Variants in KRT39 observed in about 807,000 individuals in gnomAD.
KRT39 encodes the protein keratin, type I cytoskeletal 39.
KRT39 carries 47 observed loss-of-function variants against 54.8 expected under a neutral mutation model. That is an observed-to-expected ratio of 0.86 (90% CI 0.68 to 1.09). The LOEUF (loss-of-function observed/expected upper bound fraction) is 1.09, where lower values mean the gene tolerates loss of function less well. Among genes scored for constraint, KRT39 ranks in the 50% least tolerant of loss-of-function variants. The pLI, the probability that KRT39 is intolerant of heterozygous loss-of-function variation, is 0.00. For synonymous variants in KRT39, 207 were observed against 227.9 expected (o/e 0.91, Z 0.83); for missense variants, 580 against 598.5 (o/e 0.97, Z 0.32).
chr17:40,966,585 C>G lies in KRT39; in HGVS notation c.272G>C (p.Gly91Ala), dbSNP rs1201350601. The part of the protein sequence containing the change: ...SLDDCSWYGE[G>A]INSNEKETMQ... ...GGTCTCCTTCTCATTACTGTTGATGCCTTCACCATACCAGCTGCAGTCATC... is the reference window on the plus strand; with the variant it reads ...GGTCTCCTTCTCATTACTGTTGATGGCTTCACCATACCAGCTGCAGTCATC... Residue 91 changes from glycine (G) to alanine (A), a missense_variant, in exon 1 of 7, where the codon GGC becomes GCC. By Grantham distance (60) the Gly-to-Ala change is moderately conservative (BLOSUM62 0). Coordinates refer to ENST00000355612, the MANE Select transcript of KRT39 (RefSeq NM_213656.4). The G allele has an allele frequency of 1.9e-6, 3 of 1,614,160 alleles. No individual in the cohort carries two copies. Among genetic ancestry groups the G allele is most frequent in the Non-Finnish European group, 2.5e-6 (3 of 1,180,008 alleles).
rs772716387 is a variant in KRT39, at chr17:40,963,773, C to T, written c.562G>A (p.Glu188Lys). 7.0e-6 allele frequency: 11 copies of T among 1,580,358 alleles called. No individual in the cohort carries two copies. Among genetic ancestry groups the T allele is most frequent in the Middle Eastern group, 3.4e-4 (2 of 5,922 alleles). ...ADDLRAKYEAEVSLRQLVESD... is the reference protein window; with the variant it reads ...ADDLRAKYEAKVSLRQLVESD... Reference sequence around the variant, plus strand: ...TCTACCAGCTGGCGTAGAGACACCTCAGCTTCGTATCTTTAAAAACCAGAT... The same window carrying T: ...TCTACCAGCTGGCGTAGAGACACCTTAGCTTCGTATCTTTAAAAACCAGAT... The change falls in exon 3 of 7, where the codon GAG (glutamate) becomes AAG (lysine). Residue 188 changes from glutamate (E) to lysine (K), a missense_variant. By Grantham distance (56) the Glu-to-Lys change is moderately conservative. Coordinates refer to ENST00000355612, the MANE Select transcript of KRT39 (RefSeq NM_213656.4).
intron 3 of KRT39, 103 bp from the exon 4 acceptor site, chr17:40,962,666 T>C (rs1420348717): frequency 4.2e-6 from 4 of 947,026 alleles, no homozygotes; most frequent in Non-Finnish European, 6.5e-6. Context: ...GTGTCTAAAA[T>C]ATAGCCCACA....
intron 2 of KRT39, 56 bp downstream of exon 2, chr17:40,964,390 T>A: frequency 6.8e-7 from 1 of 1,479,732 alleles, no homozygotes; most frequent in Non-Finnish European, 9.5e-7. Context: ...GTTGAGGGCA[T>A]CTCGGTCAGA....
At chr17:40,959,071 C>A (rs919305964) in intron 6 of KRT39, among the ~76,000 whole-genome samples, 11 of 152,100 alleles carry the variant, frequency 7.2e-5, no homozygotes, top group Non-Finnish European at 1.3e-4. Context: ...TAGAAGTATT[C>A]GATTATGTAA....
At chr17:40,965,468 G>A in intron 1 of KRT39, among the ~76,000 whole-genome samples, 1 of 152,166 alleles carries the variant, frequency 6.6e-6, no homozygotes. Context: ...ACTCCATGAG[G>A]GCAGGGACTT....
Position 40,966,721 on chromosome 17 carries a change from G to T in KRT39, c.136C>A (p.Pro46Thr). The T allele has an allele frequency of 6.2e-7, 1 of 1,614,232 alleles. No individual in the cohort carries two copies. Among genetic ancestry groups the T allele is most frequent in the Non-Finnish European group, 8.5e-7 (1 of 1,180,042 alleles). Residue 46 changes from proline (P) to threonine (T), a missense_variant, in exon 1 of 7, where the codon CCA becomes ACA. Physicochemically the swap from Pro to Thr is conservative, Grantham distance 38. Coordinates refer to ENST00000355612, the MANE Select transcript of KRT39 (RefSeq NM_213656.4). ...GGAATTCTGAGAACGTGGCCAGCTG[G>T]TTGACAGTTGTTGACTGTAAGGCCA... ...PGGLTVNNCQPAGHVLRIPWD... is the reference protein window; with the variant it reads ...PGGLTVNNCQTAGHVLRIPWD...
In KRT39 at chr17:40,962,534, C is replaced by T. The variant is rs1597905165; in HGVS notation, c.738G>A (p.Gly246=). 1 of 1,613,920 alleles carries T rather than the reference C, an allele frequency of 6.2e-7. No homozygotes were observed. The highest frequency in any genetic ancestry group is 8.5e-7 in the Non-Finnish European group (1 of 1,179,966). ...CAGTCACTTCAATGTCAAGTCTCTC[C>T]CCAAGCTGACACTGTAAAGAATTGA... ...EEINSLQCQL[G]ERLDIEVTAA... is the part of the protein sequence containing the mutation. The change falls in exon 4 of 7, where the codon GGG becomes GGA. Residue 246 remains glycine, a synonymous_variant. Coordinates refer to ENST00000355612, the MANE Select transcript of KRT39 (RefSeq NM_213656.4).
At chr17:40,964,410 A>G in intron 2 of KRT39, 36 bp downstream of exon 2, 1 of 1,578,080 alleles carries the variant, frequency 6.3e-7, no homozygotes, top group South Asian at 1.1e-5. Flanking sequence ...ACTCAGGGTG[A>G]GCTCTGTCAT....
At position 40,966,429 on chromosome 17, in the gene KRT39, T is replaced by A; in HGVS notation, c.428A>T (p.Tyr143Phe). Residue 143 changes from tyrosine to phenylalanine, a missense_variant, in exon 1 of 7, where the codon TAC (tyrosine) becomes TTC (phenylalanine). By Grantham distance (22) the Tyr-to-Phe change is conservative. Coordinates refer to ENST00000355612, the MANE Select transcript of KRT39 (RefSeq NM_213656.4). ...CTCAATGGTAGTGTAGTAAGACAGG[T>A]AATCAGGACATAGAACAGGGAGCTC... ...NKELPVLCPD[Y>F]LSYYTTIEEL... 6.2e-7 allele frequency: 1 copy of A among 1,614,154 alleles called. No individual in the cohort carries two copies. Among genetic ancestry groups the A allele is most frequent in the Non-Finnish European group, 8.5e-7 (1 of 1,179,982 alleles).
intron 1 of KRT39, 64 bp from the exon 2 acceptor site, chr17:40,964,592 A>G: frequency 2.6e-6 from 3 of 1,167,990 alleles, no homozygotes; most frequent in Non-Finnish European, 3.9e-6. Flanking sequence ...TTAAGAACCA[A>G]GGGGTTTGTG....
chr17:40,964,839 G>A (rs1317771335), intron 1 of KRT39, among the ~76,000 whole-genome samples: 1 of 151,700 alleles, frequency 6.6e-6, no homozygotes, highest in Non-Finnish European at 1.5e-5. Context: ...GAGGCGGGCG[G>A]ATCACGAGGT....
chr17:40,958,949 G>A (rs1395400465), intron 6 of KRT39, 90 bp from the exon 7 acceptor site: 11 of 1,266,074 alleles, frequency 8.7e-6, no homozygotes, highest in Admixed American at 2.3e-5. Flanking sequence ...TTTTTAACAC[G>A]TGTTGCTCAA....
Position 40,962,445 on chromosome 17 carries a change from A to C in KRT39, c.827T>G (p.Met276Arg). 10 of 1,614,236 alleles carry C rather than the reference A, an allele frequency of 6.2e-6. No homozygotes were observed. The highest frequency in any genetic ancestry group is 8.5e-6 in the Non-Finnish European group (10 of 1,180,036). Residue 276 changes from methionine (M) to arginine (R), a missense_variant, in exon 4 of 7, where the codon ATG becomes AGG. Transcript: ENST00000355612. The part of the protein sequence containing the change: ...QEMRCQYEPI[M>R]ETNRKDVEQW... ...TTCCACATCTTTGCGGTTTGTCTCCATGATGGGCTCATATTGACATCTCAT... is the reference window on the plus strand; with the variant it reads ...TTCCACATCTTTGCGGTTTGTCTCCCTGATGGGCTCATATTGACATCTCAT...
At chr17:40,965,196 T>A (rs1911332551) in intron 1 of KRT39, among the ~76,000 whole-genome samples, 1 of 134,592 alleles carries the variant, frequency 7.4e-6, no homozygotes, top group African/African-American at 3.1e-5. Flanking sequence ...AGAGCGAGAC[T>A]CCGTCTCAAA....
Position 40,958,872 on chromosome 17 carries a change from A to T in KRT39, c.1218-13T>A. The T allele has an allele frequency of 6.4e-7, 1 of 1,565,060 alleles. No homozygotes were observed. Among genetic ancestry groups the T allele is most frequent in the Non-Finnish European group, 8.6e-7 (1 of 1,156,620 alleles). ...GTAACAGGGACGCCTAAGGAAAAAA[A>T]ACACAATTTTAGCTGTGATTGAGGG... On this transcript the variant is annotated splice_polypyrimidine_tract_variant and intron_variant, in intron 6 of 6. Coordinates refer to ENST00000355612, the MANE Select transcript of KRT39 (RefSeq NM_213656.4).
At chr17:40,964,646 A>G in intron 1 of KRT39, 118 bp from the exon 2 acceptor site, 1 of 720,988 alleles carries the variant, frequency 1.4e-6, no homozygotes, top group Admixed American at 2.0e-5. Context: ...CTTTTTATTA[A>G]TCTTCATAGC....
In KRT39 at chr17:40,961,735, CT is replaced by C. The variant is rs532078408; in HGVS notation, c.996+426del. ...TTCGTTAATAATTATGCCACCCCCC[CT>C]CTTAGGATTGCTTTATAAATCTCAT... On this transcript the variant is annotated intron_variant, in intron 5 of 6. Coordinates refer to ENST00000355612, the MANE Select transcript of KRT39 (RefSeq NM_213656.4). Among the ~76,000 whole-genome samples the C allele has an allele frequency of 9.9e-4, 151 of 152,284 alleles. 2 individuals carry two copies. The South Asian group carries it at 0.015, about 15-fold the overall frequency.
intron 5 of KRT39, among the ~76,000 whole-genome samples, chr17:40,961,846 T>G (rs911110041): frequency 6.6e-6 from 1 of 152,180 alleles, no homozygotes; most frequent in African/African-American, 2.4e-5. Flanking sequence ...ATTAATACCA[T>G]GAGATGTTCT....
intron 6 of KRT39, 44 bp from the exon 7 acceptor site, chr17:40,958,903 G>T: frequency 6.6e-7 from 1 of 1,520,324 alleles, no homozygotes; most frequent in East Asian, 2.3e-5. Context: ...GAGGGAAGGC[G>T]ATGATGGTCA....
Sources: allele counts gnomAD v4.1 joint callset (sites outside exome capture counted in the v4.1 genomes callset), GRCh38; gene constraint gnomAD v4.1.1; transcripts MANE v1.5; gene names NCBI Gene and HGNC (gene_info 2026-07-23, HGNC 2026-07-21).